ABAT: variants seen among roughly 807,000 people sequenced by gnomAD.
ABAT encodes the protein 4-aminobutyrate aminotransferase, mitochondrial.
In ABAT, 45 loss-of-function variants were observed where a neutral mutation model predicts 64.6. The observed-to-expected ratio is 0.70, with a 90% CI of 0.55 to 0.89. The LOEUF (loss-of-function observed/expected upper bound fraction) is 0.89. Ranked by LOEUF, ABAT falls within the 40% of genes least tolerant of loss-of-function variation. ABAT has a pLI of 0.00. For synonymous variants in ABAT, 297 were observed against 250.5 expected (o/e 1.19, Z -1.75); for missense variants, 633 against 658.4 (o/e 0.96, Z 0.42).
chr16:8,733,813 AAGAGAG>A (rs1026796388), intron 1 of ABAT, among the ~76,000 whole-genome samples: 2 of 147,314 alleles, frequency 1.4e-5, no homozygotes, highest in African/African-American at 2.7e-5. Context: ...AGACCGTGGA[AAGAGAG>A]GGAGAGGGAG....
In ABAT at chr16:8,784,113, A is replaced by G. The variant is rs1217438733; in HGVS notation, c.*2683A>G. 1 of 152,680 alleles carries G rather than the reference A, an allele frequency of 6.5e-6. No homozygotes were observed. Among genetic ancestry groups the G allele is most frequent in the East Asian group, 1.9e-4 (1 of 5,202 alleles). 9.5% of individuals were successfully genotyped at this position (152,680 alleles called of 1,614,324 possible). On this transcript the variant is annotated 3_prime_UTR_variant, in exon 16 of 16. Coordinates refer to ENST00000268251, the MANE Select transcript of ABAT (RefSeq NM_020686.6). The stretch of plus-strand genomic sequence containing the variant: ...CAGGCTGCTGTCCAGGGCAGAGGCC[A>G]TGAAGAAGTGCTTCCGTGGCCGACA...
chr16:8,684,942 G>A lies in ABAT; in HGVS notation c.-42+10231G>A. Among the ~76,000 whole-genome samples, 2 of 152,136 alleles carry A rather than the reference G, an allele frequency of 1.3e-5. 1 individual carries two copies. Among genetic ancestry groups the A allele is most frequent in the East Asian group, 3.9e-4 (2 of 5,192 alleles). On this transcript the variant is annotated intron_variant, in intron 1 of 15. Transcript: ENST00000268251. ...TGGTTGGACAAGGCAGAATTTGCTT[G>A]TCTATCAGTTTTCTACAACTTACAA...
chr16:8,686,436 A>T (rs1050383548), intron 1 of ABAT, among the ~76,000 whole-genome samples: 1 of 152,116 alleles, frequency 6.6e-6, no homozygotes, highest in Non-Finnish European at 1.5e-5. Flanking sequence ...GTGGGAGAAA[A>T]CATGCAGAGA....
intron 1 of ABAT, among the ~76,000 whole-genome samples, chr16:8,723,262 G>C (rs74250602): frequency 6.6e-6 from 1 of 152,068 alleles, no homozygotes; most frequent in African/African-American, 2.4e-5. Context: ...AAGCCGAGAG[G>C]CTATTTAGGA....
At chr16:8,699,433 G>T (rs1273380) in intron 1 of ABAT, among the ~76,000 whole-genome samples, 1 of 151,956 alleles carries the variant, frequency 6.6e-6, no homozygotes, top group East Asian at 1.9e-4. Context: ...TAGCAGGTAC[G>T]TGCAATTCCA....
chr16:8,772,704 G>A (rs1241673284), intron 11 of ABAT, 76 bp from the exon 12 acceptor site: 14 of 1,599,148 alleles, frequency 8.8e-6, no homozygotes, highest in Admixed American at 8.3e-5. Flanking sequence ...GGGGCTCATC[G>A]AACCCCAGAT....
intron 1 of ABAT, among the ~76,000 whole-genome samples, chr16:8,719,952 C>T (rs571334928): frequency 1.3e-5 from 2 of 152,204 alleles, no homozygotes; most frequent in African/African-American, 2.4e-5. Flanking sequence ...GCTGGAACTA[C>T]AGGCACCTGC....
intron 1 of ABAT, among the ~76,000 whole-genome samples, chr16:8,725,014 C>G (rs1234345678): frequency 6.6e-6 from 1 of 151,554 alleles, no homozygotes. Context: ...CCTCCCGGGT[C>G]CAAGCGATTC....
intron 1 of ABAT, among the ~76,000 whole-genome samples, chr16:8,678,234 C>A (rs778808365): frequency 6.6e-6 from 1 of 152,062 alleles, no homozygotes; most frequent in African/African-American, 2.4e-5. Flanking sequence ...TTTTGTTTTT[C>A]TCTTTAGTAG....
At chr16:8,735,589 C>T (rs756515735) in intron 1 of ABAT, 110 bp from the exon 2 acceptor site, 115 of 931,270 alleles carry the variant, frequency 1.2e-4, no homozygotes, top group Non-Finnish European at 1.7e-4. Context: ...AAGCATTTGA[C>T]AATGTCAGAA....
chr16:8,731,663 T>TCA (rs2058723451), intron 1 of ABAT: 1 of 151,598 alleles, frequency 6.6e-6, no homozygotes, highest in African/African-American at 2.4e-5. Flanking sequence ...ATTTTAAAAA[T>TCA]CACACAGATA....
intron 1 of ABAT, among the ~76,000 whole-genome samples, chr16:8,728,965 A>G (rs1465470276): frequency 6.6e-6 from 1 of 152,126 alleles, no homozygotes; most frequent in Non-Finnish European, 1.5e-5. Flanking sequence ...AAAGCAATAA[A>G]ATTTATTCTG....
At chr16:8,726,303 C>G (rs945674125) in intron 1 of ABAT, among the ~76,000 whole-genome samples, 3 of 128,314 alleles carry the variant, frequency 2.3e-5, no homozygotes, top group Non-Finnish European at 4.7e-5. Flanking sequence ...ATCTGTTGCC[C>G]AGGCTGGAGT....
At chr16:8,766,688 G>T (rs2091634) in intron 9 of ABAT, among the ~76,000 whole-genome samples, 10,680 of 150,694 alleles carry the variant, frequency 0.071, 1,100 homozygotes, top group African/African-American at 0.22. Flanking sequence ...AAAACAAAAG[G>T]CCGGCTGCTG....
At chr16:8,746,376 A>T (rs1283856309) in intron 3 of ABAT, among the ~76,000 whole-genome samples, 3 of 151,184 alleles carry the variant, frequency 2.0e-5, no homozygotes, top group Non-Finnish European at 2.9e-5. Context: ...AACATACTGA[A>T]ACCCTGTCTG....
chr16:8,757,094 A>G (rs999243502), intron 5 of ABAT: 6 of 449,194 alleles, frequency 1.3e-5, no homozygotes, highest in African/African-American at 4.0e-5. Context: ...CCTATCTGCA[A>G]TCCAGCACTA....
rs34531177 is a variant in ABAT, at chr16:8,691,048, G to GA, written c.-42+16348dup. 1.0e-3 allele frequency among the ~76,000 whole-genome samples: 150 copies of GA among 146,710 alleles called. 1 individual carries two copies. The highest frequency in any genetic ancestry group is 3.6e-3 in the Admixed American group (52 of 14,618). On this transcript the variant is annotated intron_variant, in intron 1 of 15. Transcript: ENST00000268251. ...AATAAGTATTGGCAGTGTGTTGGGG[G>GA]AAAAAAAAAAACCCTGAAAAATAGA...
chr16:8,770,706 G>T (rs1166019504), intron 11 of ABAT, among the ~76,000 whole-genome samples: 1 of 152,160 alleles, frequency 6.6e-6, no homozygotes, highest in Non-Finnish European at 1.5e-5. Context: ...TTCCCAAATT[G>T]CTGGGATTAC....
chr16:8,784,516 A>G lies in ABAT; in HGVS notation c.*3086A>G, dbSNP rs891685272. 4 of 152,322 alleles carry G rather than the reference A, an allele frequency of 2.6e-5. No individual in the cohort carries two copies. Among genetic ancestry groups the G allele is most frequent in the Admixed American group, 2.6e-4 (4 of 15,278 alleles). The allele number at this position is 152,322 out of a possible 1,614,324, so 9.4% of individuals were successfully genotyped here. Reference sequence around the variant, plus strand: ...GATGACCATATGCACAATTCCATGAATTAAATCTGTTTCCTGTGTTAGTCA... The same window carrying G: ...GATGACCATATGCACAATTCCATGAGTTAAATCTGTTTCCTGTGTTAGTCA... On this transcript the variant is annotated 3_prime_UTR_variant, in exon 16 of 16. Transcript: ENST00000268251.
Sources: gnomAD v4.1 joint callset for allele counts (sites outside exome capture counted in the v4.1 genomes callset) on GRCh38, gnomAD v4.1.1 for gene constraint, MANE v1.5 for transcripts, NCBI Gene and HGNC (gene_info 2026-07-23, HGNC 2026-07-21) for gene names.